Variants in PTPRF observed in about 807,000 individuals in gnomAD.
PTPRF encodes the protein protein tyrosine phosphatase receptor type F.
Under a neutral mutation model 201.8 loss-of-function variants are expected in PTPRF, and 59 were observed. That is an observed-to-expected ratio of 0.29 (90% CI 0.24 to 0.36). The LOEUF (loss-of-function observed/expected upper bound fraction) is 0.36. PTPRF is among the 10% of genes least tolerant of loss of function. The pLI is 1.00. For synonymous variants in PTPRF, 1,088 were observed against 1,089.7 expected, an observed-to-expected ratio of 1.00 and a Z score of 0.03; for missense variants, 2,132 against 2,690.5, an observed-to-expected ratio of 0.79 and a Z score of 4.59.
chr1:43,618,760 T>C lies in PTPRF; in HGVS notation c.4491+11T>C, dbSNP rs896712710. On this transcript the variant is annotated intron_variant, in intron 26 of 33. Transcript: ENST00000359947. ...TTCGCACTCCACAAGGTATAGCCTT[T>C]CCCCAGTGCATATCTCTTACCCAGA... 1.3e-6 allele frequency: 2 copies of C among 1,592,652 alleles called. No homozygotes were observed. The highest frequency in any genetic ancestry group is 1.7e-6 in the Non-Finnish European group (2 of 1,162,554).
intron 22 of PTPRF, among the ~76,000 whole-genome samples, chr1:43,611,878 C>A (rs1175620398): frequency 6.6e-6 from 1 of 152,094 alleles, no homozygotes; most frequent in Non-Finnish European, 1.5e-5. Context: ...GTCTGTGGGT[C>A]TGAGGACTTC....
At chr1:43,539,512 T>A (rs535610228) in intron 2 of PTPRF, among the ~76,000 whole-genome samples, 2 of 152,286 alleles carry the variant, frequency 1.3e-5, no homozygotes, top group African/African-American at 4.8e-5. Context: ...CTAACAAGGC[T>A]GTGGAAGAGA....
chr1:43,620,731 C>T, intron 31 of PTPRF, 107 bp from the exon 32 acceptor site: 6 of 1,524,660 alleles, frequency 3.9e-6, no homozygotes, highest in Non-Finnish European at 5.3e-6. Context: ...GCCTCGGGTG[C>T]AGTGACACAG....
chr1:43,564,395 C>T (rs1444962919), intron 5 of PTPRF, among the ~76,000 whole-genome samples: 3 of 152,140 alleles, frequency 2.0e-5, no homozygotes, highest in African/African-American at 7.2e-5. Context: ...TGTCTCGTCC[C>T]TGCATGTGTC....
Position 43,576,792 on chromosome 1 carries a change from C to T in PTPRF, c.569-2018C>T, listed in dbSNP as rs145218879. 7.8e-3 allele frequency among the ~76,000 whole-genome samples: 1,192 copies of T among 152,320 alleles called. 6 individuals are homozygous for T. Among genetic ancestry groups the T allele is most frequent in the Non-Finnish European group, 0.012 (828 of 68,020 alleles). ...TGTAAAATGGTGGCTTGTCTATTCA[C>T]ATCATTTTCTCTCCAGTTCTCTCAG... On this transcript the variant is annotated intron_variant, in intron 6 of 33. Coordinates refer to ENST00000359947, the MANE Select transcript of PTPRF (RefSeq NM_002840.5).
intron 9 of PTPRF, 110 bp from the exon 10 acceptor site, chr1:43,591,702 A>T (rs1384763518): frequency 4.1e-6 from 6 of 1,472,620 alleles, no homozygotes; most frequent in South Asian, 1.3e-5. Context: ...GTCAGTTGGG[A>T]TGTAGGATAA....
intron 7 of PTPRF, 116 bp downstream of exon 7, chr1:43,579,036 C>T: frequency 1.1e-6 from 1 of 904,042 alleles, no homozygotes; most frequent in South Asian, 1.4e-5. Context: ...GGCCCAGTCT[C>T]TTCTCCTTCC....
chr1:43,608,765 T>G (rs1421324166), intron 21 of PTPRF, among the ~76,000 whole-genome samples: 1 of 152,210 alleles, frequency 6.6e-6, no homozygotes, highest in African/African-American at 2.4e-5. Flanking sequence ...ACTCAAATTC[T>G]TCTTTCCGAA....
intron 1 of PTPRF, among the ~76,000 whole-genome samples, chr1:43,532,276 C>G (rs1643641141): frequency 6.6e-6 from 1 of 152,208 alleles, no homozygotes; most frequent in Non-Finnish European, 1.5e-5. Flanking sequence ...CCCCCTGCCC[C>G]CCAGTGCACG....
intron 6 of PTPRF, among the ~76,000 whole-genome samples, chr1:43,570,737 C>A (rs1301913449): frequency 6.6e-6 from 1 of 152,266 alleles, no homozygotes; most frequent in African/African-American, 2.4e-5. Flanking sequence ...GACAAGCTGC[C>A]CAGCAGGGCA....
At position 43,553,742 on chromosome 1, in the gene PTPRF, C is replaced by T; in HGVS notation, c.238-58C>T. Reference sequence around the variant, plus strand: ...CTTTTGGAGGTGGGAGGACAACTGACCCTGAGCAGGCTCCTGTGTCCTGAG... The same window carrying T: ...CTTTTGGAGGTGGGAGGACAACTGATCCTGAGCAGGCTCCTGTGTCCTGAG... On this transcript the variant is annotated intron_variant, in intron 4 of 33. Transcript: ENST00000359947. This position sits in a 1 kb window ranked among gnomAD's most constrained non-coding sequence, Gnocchi z 4.1. 1 of 1,611,328 alleles carries T rather than the reference C, an allele frequency of 6.2e-7. No homozygotes were observed. Among genetic ancestry groups the T allele is most frequent in the Non-Finnish European group, 8.5e-7 (1 of 1,178,420 alleles).
At chr1:43,601,916 C>T (rs577659400) in intron 13 of PTPRF, among the ~76,000 whole-genome samples, 155 bp from the exon 14 acceptor site, 15 of 152,292 alleles carry the variant, frequency 9.8e-5, no homozygotes, top group African/African-American at 3.4e-4. Context: ...ATCTTTGAAC[C>T]GGGAGTTGTT....
At chr1:43,565,602 C>T (rs915175249) in intron 5 of PTPRF, among the ~76,000 whole-genome samples, 3 of 152,252 alleles carry the variant, frequency 2.0e-5, no homozygotes, top group African/African-American at 7.2e-5. Flanking sequence ...TCTTATCAGG[C>T]CATGGCCCTG....
In PTPRF at chr1:43,622,903, A is replaced by G. The variant is rs574957781; in HGVS notation, c.*900A>G. The G allele has an allele frequency of 1.3e-5, 2 of 152,498 alleles. No individual in the cohort carries two copies. The highest frequency in any genetic ancestry group is 2.9e-5 in the Non-Finnish European group (2 of 68,046). The allele number at this position is 152,498 out of a possible 1,614,324, so 9.4% of individuals were successfully genotyped here. A position where few individuals can be genotyped will look rare whatever the true frequency, so the allele number is the denominator to read the frequency against. ...AAAAAAACAAAAAACCCAAGAAAAA[A>G]AAAAAGAGTCAGCCCTTGGCTTCTG... On this transcript the variant is annotated 3_prime_UTR_variant, in exon 34 of 34. Transcript: ENST00000359947.
At position 43,555,750 on chromosome 1, in the gene PTPRF, A is replaced by G. The variant is rs552242190; in HGVS notation, c.379+1809A>G. On this transcript the variant is annotated intron_variant, in intron 5 of 33. Coordinates refer to ENST00000359947, the MANE Select transcript of PTPRF (RefSeq NM_002840.5). The stretch of plus-strand genomic sequence containing the variant: ...TGAGCCACCACGTCCAGCCTGTATC[A>G]TTATCCTTAATGGCTATGGGTAAGC... Among the ~76,000 whole-genome samples, 8 of 152,272 alleles carry G rather than the reference A, an allele frequency of 5.3e-5. No homozygotes were observed. In the South Asian group the frequency reaches 1.5e-3, roughly 28 times the overall value.
rs540168118 is a variant in PTPRF, at chr1:43,578,904, G to T, written c.663G>T (p.Ala221=). 2 of 1,614,186 alleles carry T rather than the reference G, an allele frequency of 1.2e-6. No individual in the cohort carries two copies. Among genetic ancestry groups the T allele is most frequent in the South Asian group, 1.1e-5 (1 of 91,086 alleles). The change falls in exon 7 of 34, where the codon GCG becomes GCT. Residue 221 remains alanine, a synonymous_variant. Coordinates refer to ENST00000359947, the MANE Select transcript of PTPRF (RefSeq NM_002840.5). ...NSAGTRYSAP[A]NLYVRVRRVA... ...CAGGCACACGTTACTCAGCCCCTGC[G>T]AACCTGTATGTGCGAGGTAAGGACT...
In PTPRF at chr1:43,553,743, CCTGAGCAGG is replaced by C; in HGVS notation, c.238-54_238-46del. ...TTTTGGAGGTGGGAGGACAACTGAC[CCTGAGCAGG>C]CTCCTGTGTCCTGAGTAGGCTGTGA... is the stretch of plus-strand genomic sequence containing the variant. On this transcript the variant is annotated intron_variant, in intron 4 of 33. Coordinates refer to ENST00000359947, the MANE Select transcript of PTPRF (RefSeq NM_002840.5). The surrounding 1 kb of genome is among the most constrained non-coding windows in gnomAD (Gnocchi z 4.1). The C allele has an allele frequency of 6.2e-7, 1 of 1,611,478 alleles. No individual in the cohort carries two copies. The highest frequency in any genetic ancestry group is 1.1e-5 in the South Asian group (1 of 90,778).
intron 8 of PTPRF, 78 bp from the exon 9 acceptor site, chr1:43,590,894 T>C (rs760707099): frequency 1.7e-5 from 23 of 1,342,692 alleles, no homozygotes; most frequent in Non-Finnish European, 2.3e-5. Flanking sequence ...CCAGATATCC[T>C]GGATAATCCC....
At chr1:43,602,127 G>A in intron 14 of PTPRF, 30 bp downstream of exon 14, 1 of 1,607,550 alleles carries the variant, frequency 6.2e-7, no homozygotes. Flanking sequence ...ACGCGGACAA[G>A]ACATGGGTCA....
Sources: allele counts gnomAD v4.1 joint callset (sites outside exome capture counted in the v4.1 genomes callset), GRCh38; gene constraint gnomAD v4.1.1; non-coding constraint Gnocchi (gnomAD v3.1); transcripts MANE v1.5; gene names NCBI Gene and HGNC (gene_info 2026-07-23, HGNC 2026-07-21).